APOE: variants seen among roughly 807,000 people sequenced by gnomAD.
APOE encodes apolipoprotein E.
In APOE, 10 loss-of-function variants were observed where a neutral mutation model predicts 13.1. The ratio of observed to expected loss-of-function variants is 0.76; its 90% confidence interval spans 0.47 to 1.29. The LOEUF (loss-of-function observed/expected upper bound fraction) is 1.29. Ranked by LOEUF, APOE falls within the 50% of genes most tolerant of loss-of-function variation. APOE has a pLI of 0.00. For synonymous variants in APOE, 211 were observed against 207.1 expected, an observed-to-expected ratio of 1.02 and a Z score of -0.16; for missense variants, 471 against 459.6, an observed-to-expected ratio of 1.02 and a Z score of -0.23.
In APOE at chr19:44,908,889, G is replaced by T. The variant is rs1048982607; in HGVS notation, c.593G>T (p.Arg198Leu). Residue 198 changes from arginine (R) to leucine (L), a missense_variant, in exon 4 of 4, where the codon CGC (arginine) becomes CTC (leucine). By Grantham distance (102) the Arg-to-Leu change is moderately radical (BLOSUM62 -2). Coordinates refer to ENST00000252486, the MANE Select transcript of APOE (RefSeq NM_000041.4). Reference sequence around the variant, plus strand: ...CGCGGCCTCAGCGCCATCCGCGAGCGCCTGGGGCCCCTGGTGGAACAGGGC... The same window carrying T: ...CGCGGCCTCAGCGCCATCCGCGAGCTCCTGGGGCCCCTGGTGGAACAGGGC... ...AERGLSAIRE[R>L]LGPLVEQGRV... 13 of 1,481,148 alleles carry T rather than the reference G, an allele frequency of 8.8e-6. No individual in the cohort carries two copies. The highest frequency in any genetic ancestry group is 4.4e-5 in the African/African-American group (3 of 68,612). 91.8% of individuals were successfully genotyped at this position (1,481,148 alleles called of 1,614,324 possible).
At position 44,909,255 on chromosome 19, in the gene APOE, C is replaced by T. The variant is rs754223652; in HGVS notation, c.*5C>T. On this transcript the variant is annotated 3_prime_UTR_variant, in exon 4 of 4. Coordinates refer to ENST00000252486, the MANE Select transcript of APOE (RefSeq NM_000041.4). Reference sequence around the variant, plus strand: ...GTGCCCAGCGACAATCACTGAACGCCGAAGCCTGCAGCCATGCGACCCCAC... The same window carrying T: ...GTGCCCAGCGACAATCACTGAACGCTGAAGCCTGCAGCCATGCGACCCCAC... 2.3e-5 allele frequency: 37 copies of T among 1,596,030 alleles called. No homozygotes were observed. The highest frequency in any genetic ancestry group is 2.3e-4 in the African/African-American group (17 of 74,950).
In APOE at chr19:44,908,888, C is replaced by T. The variant is rs1426426514; in HGVS notation, c.592C>T (p.Arg198Cys). 4.7e-6 allele frequency: 7 copies of T among 1,480,538 alleles called. No individual in the cohort carries two copies. The highest frequency in any genetic ancestry group is 2.9e-5 in the African/African-American group (2 of 68,456). The allele number at this position is 1,480,538 out of a possible 1,614,324, so 91.7% of individuals were successfully genotyped here. A position where few individuals can be genotyped will look rare whatever the true frequency, so the allele number is the denominator to read the frequency against. The change falls in exon 4 of 4, where the codon CGC (arginine) becomes TGC (cysteine). Residue 198 changes from arginine to cysteine, a missense_variant. Coordinates refer to ENST00000252486, the MANE Select transcript of APOE (RefSeq NM_000041.4). ...GCGCGGCCTCAGCGCCATCCGCGAG[C>T]GCCTGGGGCCCCTGGTGGAACAGGG... is the stretch of plus-strand genomic sequence containing the variant. Reference protein sequence around the residue: ...AERGLSAIRERLGPLVEQGRV... With the variant: ...AERGLSAIRECLGPLVEQGRV...
At chr19:44,908,443 C>G (rs994011791) in intron 3 of APOE, 90 bp from the exon 4 acceptor site, 1 of 1,337,796 alleles carries the variant, frequency 7.5e-7, no homozygotes, top group African/African-American at 1.4e-5. Flanking sequence ...CCTCTTGGGT[C>G]TCTCTGGCTC....
rs756776560 is a variant in APOE at position 44,908,624 on chromosome 19, C to A, written c.328C>A (p.Arg110=). The part of the protein sequence containing the change: ...LTPVAEETRA[R]LSKELQAAQA... ...CCCGGTGGCGGAGGAGACGCGGGCA[C>A]GGCTGTCCAAGGAGCTGCAGGCGGC... Residue 110 remains arginine, a synonymous_variant, in exon 4 of 4, where the codon CGG becomes AGG. Coordinates refer to ENST00000252486, the MANE Select transcript of APOE (RefSeq NM_000041.4). The A allele has an allele frequency of 6.2e-7, 1 of 1,607,998 alleles. No homozygotes were observed. The highest frequency in any genetic ancestry group is 8.5e-7 in the Non-Finnish European group (1 of 1,177,158).
At chr19:44,906,456 C>CG (rs1261744093) in intron 1 of APOE, 146 bp from the exon 2 acceptor site, 3 of 801,196 alleles carry the variant, frequency 3.7e-6, no homozygotes, top group Non-Finnish European at 4.3e-6. Flanking sequence ...GGGTTGGGGG[C>CG]GGCTTGGTAA....
In APOE at chr19:44,907,730, C is replaced by A. The variant is rs1486081525; in HGVS notation, c.44-30C>A. The stretch of plus-strand genomic sequence containing the variant: ...GATGCCTGGACGGGGTCAGAAGGAC[C>A]CTGACCCACCTTGAACTTGTTCCAC... On this transcript the variant is annotated intron_variant, in intron 2 of 3. Coordinates refer to ENST00000252486, the MANE Select transcript of APOE (RefSeq NM_000041.4). This position sits in a 1 kb window ranked among gnomAD's most constrained non-coding sequence, Gnocchi z 4.1. The A allele has an allele frequency of 1.9e-6, 3 of 1,584,058 alleles. No homozygotes were observed. Among genetic ancestry groups the A allele is most frequent in the South Asian group, 2.3e-5 (2 of 88,400 alleles).
intron 1 of APOE, 45 bp downstream of exon 1, chr19:44,905,886 T>C (rs1408371115): frequency 5.4e-6 from 7 of 1,295,606 alleles, no homozygotes; most frequent in Non-Finnish European, 5.1e-6. Flanking sequence ...CAGGGGCCTC[T>C]AGAAAGAGCT....
rs1013810184 is a variant in APOE, at chr19:44,909,333, C to G, written c.*83C>G. 7.5e-7 allele frequency: 1 copy of G among 1,327,842 alleles called. No individual in the cohort carries two copies. The highest frequency in any genetic ancestry group is 1.1e-6 in the Non-Finnish European group (1 of 943,824). The allele number at this position is 1,327,842 out of a possible 1,614,324, so 82.3% of individuals were successfully genotyped here. A position where few individuals can be genotyped will look rare whatever the true frequency, so the allele number is the denominator to read the frequency against. ...AGCCTGCAGCGGGAGACCCTGTCCC[C>G]GCCCCAGCCGTCCTCCTGGGGTGGA... On this transcript the variant is annotated 3_prime_UTR_variant, in exon 4 of 4. Coordinates refer to ENST00000252486, the MANE Select transcript of APOE (RefSeq NM_000041.4).
intron 2 of APOE, chr19:44,906,908 T>G: frequency 2.4e-5 from 13 of 542,910 alleles, no homozygotes; most frequent in Non-Finnish European, 1.3e-5. Context: ...TGAGATGAAG[T>G]CTCGCTCTGT....
rs1056815951 is a variant in APOE, at chr19:44,908,683, G to A, written c.387G>A (p.Val129=). The A allele has an allele frequency of 3.2e-6, 5 of 1,570,028 alleles. No individual in the cohort carries two copies. The highest frequency in any genetic ancestry group is 1.9e-5 in the Admixed American group (1 of 52,732). ...QARLGADMED[V]CGRLVQYRGE... ...GGCTGGGCGCGGACATGGAGGACGT[G>A]TGCGGCCGCCTGGTGCAGTACCGCG... The change falls in exon 4 of 4, where the codon GTG becomes GTA. Residue 129 remains valine, a synonymous_variant. Transcript: ENST00000252486.
Position 44,909,300 on chromosome 19 carries a change from C to T in APOE, c.*50C>T, listed in dbSNP as rs1197240201. The T allele has an allele frequency of 2.6e-6, 4 of 1,548,576 alleles. No individual in the cohort carries two copies. Among genetic ancestry groups the T allele is most frequent in the African/African-American group, 1.4e-5 (1 of 74,026 alleles). ...CCCCACGCCACCCCGTGCCTCCTGCCTCCGCGCAGCCTGCAGCGGGAGACC... is the reference window on the plus strand; with the variant it reads ...CCCCACGCCACCCCGTGCCTCCTGCTTCCGCGCAGCCTGCAGCGGGAGACC... On this transcript the variant is annotated 3_prime_UTR_variant, in exon 4 of 4. Coordinates refer to ENST00000252486, the MANE Select transcript of APOE (RefSeq NM_000041.4).
intron 2 of APOE, 25 bp downstream of exon 2, chr19:44,906,692 T>TC (rs758906237): frequency 1.8e-4 from 284 of 1,610,568 alleles, no homozygotes; most frequent in Middle Eastern, 3.3e-4. Flanking sequence ...CTTGCTCGGT[T>TC]CCCCCCGCTC....
Position 44,909,342 on chromosome 19 carries a change from C to T in APOE, c.*92C>T, listed in dbSNP as rs553874843. 6.6e-5 allele frequency: 82 copies of T among 1,239,246 alleles called. 1 individual carries two copies. The East Asian group carries it at 1.8e-3, about 28-fold the overall frequency. The allele number at this position is 1,239,246 out of a possible 1,614,324, so 76.8% of individuals were successfully genotyped here. A position where few individuals can be genotyped will look rare whatever the true frequency, so the allele number is the denominator to read the frequency against. ...CGGGAGACCCTGTCCCCGCCCCAGC[C>T]GTCCTCCTGGGGTGGACCCTAGTTT... On this transcript the variant is annotated 3_prime_UTR_variant, in exon 4 of 4. Coordinates refer to ENST00000252486, the MANE Select transcript of APOE (RefSeq NM_000041.4).
At position 44,909,129 on chromosome 19, in the gene APOE, G is replaced by GCC. The variant is rs760500094; in HGVS notation, c.834_835dup (p.Leu279ProfsTer?). On this transcript the variant is annotated frameshift_variant, in exon 4 of 4. Transcript: ENST00000252486. LOFTEE classifies it low-confidence loss of function (END_TRUNC). ...CTGCAGGCCGAGGCCTTCCAGGCCC[G>GCC]CCTCAAGAGCTGGTTCGAGCCCCTG... 3.7e-6 allele frequency: 6 copies of GCC among 1,600,114 alleles called. No individual in the cohort carries two copies. The highest frequency in any genetic ancestry group is 5.1e-6 in the Non-Finnish European group (6 of 1,177,968).
chr19:44,908,897 C>T lies in APOE; in HGVS notation c.601C>T (p.Pro201Ser). The T allele has an allele frequency of 6.8e-7, 1 of 1,477,460 alleles. No individual in the cohort carries two copies. Among genetic ancestry groups the T allele is most frequent in the Non-Finnish European group, 8.9e-7 (1 of 1,122,394 alleles). The allele number at this position is 1,477,460 out of a possible 1,614,324, so 91.5% of individuals were successfully genotyped here. A position where few individuals can be genotyped will look rare whatever the true frequency, so the allele number is the denominator to read the frequency against. Residue 201 changes from proline (P) to serine (S), a missense_variant, in exon 4 of 4, where the codon CCC (proline) becomes TCC (serine). By Grantham distance (74) the Pro-to-Ser change is moderately conservative. Coordinates refer to ENST00000252486, the MANE Select transcript of APOE (RefSeq NM_000041.4). ...CAGCGCCATCCGCGAGCGCCTGGGG[C>T]CCCTGGTGGAACAGGGCCGCGTGCG... ...GLSAIRERLG[P>S]LVEQGRVRAA... is the part of the protein sequence containing the mutation.
chr19:44,906,705 C>A (rs1158661916), intron 2 of APOE, 38 bp downstream of exon 2: 2 of 1,604,584 alleles, frequency 1.2e-6, no homozygotes, highest in Non-Finnish European at 1.7e-6. Flanking sequence ...CCCCGCTCCT[C>A]CCCCTCTCAT....
intron 1 of APOE, chr19:44,906,339 T>TG (rs1252066494): frequency 5.1e-6 from 2 of 389,490 alleles, no homozygotes; most frequent in African/African-American, 5.6e-5. Context: ...GGGGAGGGGG[T>TG]GGGGGGATGG....
In APOE at chr19:44,907,681, C is replaced by A; in HGVS notation, c.44-79C>A. The A allele has an allele frequency of 7.5e-7, 1 of 1,340,464 alleles. No individual in the cohort carries two copies. 83.0% of individuals were successfully genotyped at this position (1,340,464 alleles called of 1,614,324 possible). A position where few individuals can be genotyped will look rare whatever the true frequency, so the allele number is the denominator to read the frequency against. On this transcript the variant is annotated intron_variant, in intron 2 of 3. Coordinates refer to ENST00000252486, the MANE Select transcript of APOE (RefSeq NM_000041.4). This position sits in a 1 kb window ranked among gnomAD's most constrained non-coding sequence, Gnocchi z 4.1. ...GCTCCAAAGAAGCATTTGTGGAGCA[C>A]CTTCTGTGTGCCCCTAGGTACTAGA...
At position 44,908,414 on chromosome 19, in the gene APOE, C is replaced by T. The variant is rs1221077619; in HGVS notation, c.237-119C>T. The T allele has an allele frequency of 4.0e-6, 4 of 1,003,682 alleles. No individual in the cohort carries two copies. The East Asian group carries it at 1.0e-4, about 26-fold the overall frequency. 62.2% of individuals were successfully genotyped at this position (1,003,682 alleles called of 1,614,324 possible). A position where few individuals can be genotyped will look rare whatever the true frequency, so the allele number is the denominator to read the frequency against. The stretch of plus-strand genomic sequence containing the variant: ...TGTCTCTGTCTCCTTCTCTCGGCCT[C>T]TGCCCCGTTCCTTCTCTCCCTCTTG... On this transcript the variant is annotated intron_variant, in intron 3 of 3. Transcript: ENST00000252486.
Sources: gnomAD v4.1 joint callset for allele counts on GRCh38, gnomAD v4.1.1 for gene constraint, Gnocchi (gnomAD v3.1) non-coding constraint, MANE v1.5 for transcripts, NCBI Gene and HGNC (gene_info 2026-07-23, HGNC 2026-07-21) for gene names.